The following SNX29 variants were observed in gnomAD, a reference collection of about 807,000 sequenced individuals.
SNX29 encodes sorting nexin-29.
SNX29 carries 78 observed loss-of-function variants against 102.1 expected under a neutral mutation model. That is an observed-to-expected ratio of 0.76 (90% confidence interval 0.64 to 0.92). SNX29 has a LOEUF of 0.92. Ranked by LOEUF, SNX29 falls within the 40% of genes least tolerant of loss-of-function variation. The pLI is 0.00. For missense variants in SNX29, 1,280 were observed against 1,061.7 expected, an observed-to-expected ratio of 1.21 and a Z score of -2.86; for synonymous variants, 580 against 414.5, an observed-to-expected ratio of 1.40 and a Z score of -4.85.
At chr16:12,091,466 C>T (rs2151404224) in intron 11 of SNX29, among the ~76,000 whole-genome samples, 1 of 152,172 alleles carries the variant, frequency 6.6e-6, no homozygotes, top group East Asian at 1.9e-4. Context: ...CTGGAGCCCT[C>T]ATGAGTGGGA....
chr16:12,293,169 TG>T (rs2079857767), intron 15 of SNX29, among the ~76,000 whole-genome samples: 1 of 152,254 alleles, frequency 6.6e-6, no homozygotes, highest in African/African-American at 2.4e-5. Context: ...CTTGAACTCC[TG>T]GCCTCAAGTG....
chr16:12,560,060 A>T (rs899256358), intron 20 of SNX29, among the ~76,000 whole-genome samples: 2 of 152,092 alleles, frequency 1.3e-5, no homozygotes, highest in Non-Finnish European at 2.9e-5. Flanking sequence ...TGACTAGAAA[A>T]CTATGTAACT....
In SNX29 at chr16:12,554,504, G is replaced by A. The variant is rs117115998; in HGVS notation, c.2319-14002G>A. Reference sequence around the variant, plus strand: ...ATGGAGTGGTTTCCAAGCTTCCTCCGCAGCAGGATGCTGCATTGAACATTC... The same window carrying A: ...ATGGAGTGGTTTCCAAGCTTCCTCCACAGCAGGATGCTGCATTGAACATTC... On this transcript the variant is annotated intron_variant, in intron 20 of 20. Transcript: ENST00000566228. Among the ~76,000 whole-genome samples, 367 of 152,288 alleles carry A rather than the reference G, an allele frequency of 2.4e-3. 3 individuals carry two copies. Among genetic ancestry groups the A allele is most frequent in the East Asian group, 3.5e-3 (18 of 5,172 alleles).
intron 4 of SNX29, among the ~76,000 whole-genome samples, chr16:12,033,970 A>C (rs536964162): frequency 6.6e-6 from 1 of 152,124 alleles, no homozygotes; most frequent in Non-Finnish European, 1.5e-5. Context: ...CAAAATAACC[A>C]CTTGAAGACC....
intron 20 of SNX29, among the ~76,000 whole-genome samples, chr16:12,534,713 CCT>C (rs1419338443): frequency 6.6e-6 from 1 of 152,226 alleles, no homozygotes; most frequent in East Asian, 1.9e-4. Flanking sequence ...TTGCCACTCC[CCT>C]GTCACTCACT....
chr16:12,442,619 C>G (rs1192507634), intron 18 of SNX29, among the ~76,000 whole-genome samples: 1 of 151,108 alleles, frequency 6.6e-6, no homozygotes, highest in African/African-American at 2.4e-5. Flanking sequence ...GGGTCTCAGG[C>G]TGTCACCCAG....
chr16:12,076,419 G>C (rs906605274), intron 10 of SNX29, among the ~76,000 whole-genome samples: 1 of 151,690 alleles, frequency 6.6e-6, no homozygotes, highest in Non-Finnish European at 1.5e-5. Flanking sequence ...TCCTGCCTCA[G>C]CCTCCCAAGT....
intron 13 of SNX29, among the ~76,000 whole-genome samples, chr16:12,187,683 CT>C (rs1274506398): frequency 6.6e-6 from 1 of 152,102 alleles, no homozygotes; most frequent in Non-Finnish European, 1.5e-5. Flanking sequence ...CCCCAACCCC[CT>C]TTTTTTGAAG....
chr16:12,557,015 A>ACCCCCCCCCCCCCCCC (rs11387141), intron 20 of SNX29, among the ~76,000 whole-genome samples: 1 of 31,812 alleles, frequency 3.1e-5, no homozygotes, highest in African/African-American at 1.4e-4. Context: ...TGGCTAATTT[A>ACCCCCCCCCCCCCCCC]CCCCCCCCCC....
At chr16:12,454,633 C>T (rs546960529) in intron 18 of SNX29, among the ~76,000 whole-genome samples, 29 of 152,278 alleles carry the variant, frequency 1.9e-4, no homozygotes, top group South Asian at 1.0e-3. Context: ...TCAGGCAGGG[C>T]CCTGCAAGCC....
At position 12,135,587 on chromosome 16, in the gene SNX29, C is replaced by T. The variant is rs757905374; in HGVS notation, c.1595+5829C>T. The T allele has an allele frequency of 1.2e-4, 156 of 1,339,550 alleles. No individual in the cohort carries two copies. In the African/African-American group the frequency reaches 1.3e-3, roughly 11 times the overall value. The allele number at this position is 1,339,550 out of a possible 1,614,324, so 83.0% of individuals were successfully genotyped here. A position where few individuals can be genotyped will look rare whatever the true frequency, so the allele number is the denominator to read the frequency against. ...ATTTTGTGAGGAGATTCTAACCCCACGTGAGAACCATGTGGTGGAGAAATG... is the reference window on the plus strand; with the variant it reads ...ATTTTGTGAGGAGATTCTAACCCCATGTGAGAACCATGTGGTGGAGAAATG... On this transcript the variant is annotated intron_variant, in intron 13 of 20. Coordinates refer to ENST00000566228, the MANE Select transcript of SNX29 (RefSeq NM_032167.5).
At chr16:12,393,753 T>A (rs2083621130) in intron 16 of SNX29, among the ~76,000 whole-genome samples, 1 of 152,246 alleles carries the variant, frequency 6.6e-6, no homozygotes, top group Non-Finnish European at 1.5e-5. Context: ...ACAATAATAC[T>A]TGCTTCGCAG....
rs1049669128 is a variant in SNX29 at position 12,096,530 on chromosome 16, C to T, written c.1402+17615C>T. The stretch of plus-strand genomic sequence containing the variant: ...ATACACAGAGAGTGCTTTGACATTG[C>T]GCTCAGCACTCAGGAGATGTTAGCT... On this transcript the variant is annotated intron_variant, in intron 11 of 20. Transcript: ENST00000566228. The surrounding 1 kb of genome is among the most constrained non-coding windows in gnomAD (Gnocchi z 4.2). 6.6e-6 allele frequency among the ~76,000 whole-genome samples: 1 copy of T among 152,164 alleles called. No homozygotes were observed. The highest frequency in any genetic ancestry group is 1.5e-5 in the Non-Finnish European group (1 of 68,034).
intron 18 of SNX29, among the ~76,000 whole-genome samples, chr16:12,454,639 A>G (rs566760924): frequency 6.6e-6 from 1 of 152,328 alleles, no homozygotes; most frequent in South Asian, 2.1e-4. Context: ...AGGGCCCTGC[A>G]AGCCACGTCT....
chr16:12,458,420 A>G (rs1036405018), intron 18 of SNX29, among the ~76,000 whole-genome samples: 13 of 152,344 alleles, frequency 8.5e-5, no homozygotes, highest in South Asian at 4.1e-4. Flanking sequence ...CGCGAGCCCT[A>G]TGCAGACACT....
At chr16:12,453,811 A>G (rs747667912) in intron 18 of SNX29, among the ~76,000 whole-genome samples, 10 of 152,190 alleles carry the variant, frequency 6.6e-5, no homozygotes, top group African/African-American at 2.2e-4. Context: ...TGAGTCCTCA[A>G]TAAGACTGTA....
chr16:12,296,616 C>T (rs1463435004), intron 15 of SNX29, among the ~76,000 whole-genome samples: 1 of 152,204 alleles, frequency 6.6e-6, no homozygotes, highest in African/African-American at 2.4e-5. Flanking sequence ...TTTACCAAAA[C>T]AGGCAGGGGG....
At chr16:12,558,676 T>G (rs958273141) in intron 20 of SNX29, among the ~76,000 whole-genome samples, 16 of 152,216 alleles carry the variant, frequency 1.1e-4, no homozygotes, top group Admixed American at 1.0e-3. Context: ...CTGGTCCTTG[T>G]GGCTGGGATT....
At chr16:12,557,990 C>A (rs750308534) in intron 20 of SNX29, among the ~76,000 whole-genome samples, 1 of 152,086 alleles carries the variant, frequency 6.6e-6, no homozygotes, top group African/African-American at 2.4e-5. Flanking sequence ...ATTTTAGCCA[C>A]GGTTGGTTGG....
Sources: allele counts gnomAD v4.1 joint callset (sites outside exome capture counted in the v4.1 genomes callset), GRCh38; gene constraint gnomAD v4.1.1; non-coding constraint Gnocchi (gnomAD v3.1); transcripts MANE v1.5; gene names NCBI Gene and HGNC (gene_info 2026-07-23, HGNC 2026-07-21).